Variants in TBX5 observed in about 807,000 individuals in gnomAD.
The protein encoded by TBX5 is T-box transcription factor 5, also known as T-box transcription factor TBX5.
TBX5 carries 8 observed loss-of-function variants against 51.1 expected under a neutral mutation model. That is an observed-to-expected ratio of 0.16 (90% CI 0.09 to 0.28). The LOEUF (loss-of-function observed/expected upper bound fraction) is 0.28, where lower values mean the gene tolerates loss of function less well. Ranked by LOEUF, TBX5 falls within the 10% of genes least tolerant of loss-of-function variation. The pLI is 1.00. For synonymous variants in TBX5, 302 were observed against 266.4 expected (o/e 1.13, Z -1.30); for missense variants, 589 against 671.7 (o/e 0.88, Z 1.36).
chr12:114,374,988 T>C (rs1870113053), intron 7 of TBX5, among the ~76,000 whole-genome samples: 1 of 152,216 alleles, frequency 6.6e-6, no homozygotes, highest in South Asian at 2.1e-4. Context: ...TTGTAGACTC[T>C]AAGCAGTGAG....
chr12:114,407,109 C>T (rs967469218), upstream of TBX5: 68 of 985,360 alleles, frequency 6.9e-5, 1 homozygote, highest in African/African-American at 9.9e-4. Context: ...AGGTCAGCAG[C>T]TGTGTAACCC....
intron 5 of TBX5, among the ~76,000 whole-genome samples, chr12:114,396,200 C>T (rs1291144594): frequency 6.6e-6 from 1 of 151,876 alleles, no homozygotes; most frequent in African/African-American, 2.4e-5. Context: ...GCTGCCCGAC[C>T]CCGGGCCGCG....
chr12:114,408,187 C>CT (rs1250861776), upstream of TBX5: 1 of 985,274 alleles, frequency 1.0e-6, no homozygotes, highest in Non-Finnish European at 1.2e-6. Flanking sequence ...CCGTCTTCGC[C>CT]TATCAGTGCC....
At chr12:114,369,699 A>G (rs976627887) in intron 7 of TBX5, among the ~76,000 whole-genome samples, 3 of 152,344 alleles carry the variant, frequency 2.0e-5, no homozygotes, top group Middle Eastern at 6.8e-3. Flanking sequence ...ATTTTCTTCT[A>G]CAGCTTAAGA....
At chr12:114,377,983 T>A (rs192492320) in intron 7 of TBX5, among the ~76,000 whole-genome samples, 3 of 152,140 alleles carry the variant, frequency 2.0e-5, no homozygotes, top group Non-Finnish European at 4.4e-5. Context: ...AACTTTCCCA[T>A]CCACTCTCTG....
chr12:114,356,275 T>G (rs1204084896), intron 8 of TBX5, among the ~76,000 whole-genome samples, 169 bp from the exon 9 acceptor site: 13 of 152,218 alleles, frequency 8.5e-5, no homozygotes, highest in Non-Finnish European at 1.5e-4. Flanking sequence ...GTTAAGACCT[T>G]GGGCTATGGA....
intron 8 of TBX5, among the ~76,000 whole-genome samples, chr12:114,365,748 T>G (rs1351466450): frequency 1.4e-5 from 2 of 146,312 alleles, no homozygotes; most frequent in Non-Finnish European, 3.0e-5. Flanking sequence ...AAGGATCACT[T>G]AAGCCCAGGT....
At chr12:114,367,668 G>T (rs1349100598) in intron 7 of TBX5, among the ~76,000 whole-genome samples, 1 of 151,358 alleles carries the variant, frequency 6.6e-6, no homozygotes, top group Non-Finnish European at 1.5e-5. Flanking sequence ...TAGAGAGAAG[G>T]TGGGGGTGGG....
At chr12:114,362,817 C>A (rs1182881712) in intron 8 of TBX5, among the ~76,000 whole-genome samples, 1 of 152,042 alleles carries the variant, frequency 6.6e-6, no homozygotes, top group Non-Finnish European at 1.5e-5. Flanking sequence ...TGGCATGTGC[C>A]AACATGCCAG....
chr12:114,407,504 T>C (rs1478905208), upstream of TBX5, among the ~76,000 whole-genome samples: 1 of 152,182 alleles, frequency 6.6e-6, no homozygotes, highest in Non-Finnish European at 1.5e-5. Flanking sequence ...ATAAAATTAA[T>C]TCCCATAAAT....
In TBX5 at chr12:114,354,074, T is replaced by A. The variant is rs1167473785; in HGVS notation, c.*1458A>T. On this transcript the variant is annotated 3_prime_UTR_variant, in exon 9 of 9. Transcript: ENST00000405440. The stretch of plus-strand genomic sequence containing the variant: ...CTCACTTACAAACACACTCACACTC[T>A]CTCACGTACTTAAACACACTCAGCC... 1 of 152,454 alleles carries A rather than the reference T, an allele frequency of 6.6e-6. No homozygotes were observed. The highest frequency in any genetic ancestry group is 1.9e-4 in the East Asian group (1 of 5,182). 9.4% of individuals were successfully genotyped at this position (152,454 alleles called of 1,614,324 possible). A position where few individuals can be genotyped will look rare whatever the true frequency, so the allele number is the denominator to read the frequency against.
At chr12:114,398,330 A>G (rs1280771561) in intron 5 of TBX5, among the ~76,000 whole-genome samples, 1 of 152,156 alleles carries the variant, frequency 6.6e-6, no homozygotes, top group Non-Finnish European at 1.5e-5. Context: ...GCAAAGGGAA[A>G]GCAAGTGAGA....
intron 7 of TBX5, 55 bp from the exon 8 acceptor site, chr12:114,366,446 T>TGTATCAG: frequency 6.3e-7 from 1 of 1,574,838 alleles, no homozygotes; most frequent in Non-Finnish European, 8.7e-7. Context: ...ACAGATTTCC[T>TGTATCAG]GAGTGGCTGA....
chr12:114,380,326 T>C (rs932440467), intron 7 of TBX5, among the ~76,000 whole-genome samples: 2 of 152,206 alleles, frequency 1.3e-5, no homozygotes, highest in African/African-American at 2.4e-5. Flanking sequence ...AGCCTTTCTT[T>C]GTAGGTGGTT....
Position 114,403,847 on chromosome 12 carries a change from C to T in TBX5, c.52G>A (p.Asp18Asn). ...FGLAHTPLEP[D>N]AKDLPCDSKP... ...GAATCGCAGGGCAGGTCTTTTGCGT[C>T]AGGCTCCAGAGGCGTGTGCGCCAGG... The change falls in exon 2 of 9, where the codon GAC becomes AAC. Residue 18 changes from aspartate (D) to asparagine (N), a missense_variant. This residue lies in a region of TBX5 where 101 missense variants were observed against 83.3 expected (regional missense o/e 1.21). Coordinates refer to ENST00000405440, the MANE Select transcript of TBX5 (RefSeq NM_181486.4). 6.2e-7 allele frequency: 1 copy of T among 1,614,008 alleles called. No homozygotes were observed. The highest frequency in any genetic ancestry group is 2.2e-5 in the East Asian group (1 of 44,862).
chr12:114,393,950 G>C (rs1340463015), intron 6 of TBX5, among the ~76,000 whole-genome samples: 2 of 152,160 alleles, frequency 1.3e-5, no homozygotes, highest in African/African-American at 4.8e-5. Flanking sequence ...GAAACAATTA[G>C]GGAAGCATCA....
At chr12:114,384,729 AC>A (rs1870701459) in intron 7 of TBX5, among the ~76,000 whole-genome samples, 1 of 129,032 alleles carries the variant, frequency 7.8e-6, no homozygotes, top group South Asian at 2.5e-4. Context: ...ACACACACAC[AC>A]ACACACACAC....
At chr12:114,365,803 C>T (rs1369822817) in intron 8 of TBX5, among the ~76,000 whole-genome samples, 3 of 139,466 alleles carry the variant, frequency 2.2e-5, no homozygotes, top group African/African-American at 8.1e-5. Flanking sequence ...GCACTCCAGC[C>T]TGGGTGATAG....
upstream of TBX5, chr12:114,407,040 A>C: frequency 1.0e-6 from 1 of 985,212 alleles, no homozygotes; most frequent in Non-Finnish European, 1.2e-6. Flanking sequence ...TTCTGATAAG[A>C]GACTTGGGCC....
Sources: allele counts gnomAD v4.1 joint callset (sites outside exome capture counted in the v4.1 genomes callset), GRCh38; gene constraint gnomAD v4.1.1; regional missense constraint gnomAD v4.1.1; transcripts MANE v1.5; gene names NCBI Gene and HGNC (gene_info 2026-07-23, HGNC 2026-07-21).